Variants in HTR4 observed in about 807,000 individuals in gnomAD.
HTR4 encodes the protein 5-hydroxytryptamine (serotonin) receptor 4, G protein-coupled.
In HTR4, 16 loss-of-function variants were observed where a neutral mutation model predicts 36.8. That is an observed-to-expected ratio of 0.43 (90% CI 0.29 to 0.66). The LOEUF (loss-of-function observed/expected upper bound fraction) is 0.66. Ranked by LOEUF, HTR4 falls within the 30% of genes least tolerant of loss-of-function variation. The pLI is 0.13. For missense variants in HTR4, 438 were observed against 490.9 expected (o/e 0.89, Z 1.02); for synonymous variants, 189 against 185.1 (o/e 1.02, Z -0.17).
chr5:148,484,196 G>A (rs1051881410), intron 6 of HTR4: 105 of 1,523,476 alleles, frequency 6.9e-5, no homozygotes, highest in Admixed American at 9.6e-5. Context: ...AGTGTCATCT[G>A]CCTTTTAGTT....
intron 2 of HTR4, among the ~76,000 whole-genome samples, chr5:148,624,940 G>T (rs1046258652): frequency 1.8e-4 from 27 of 152,270 alleles, no homozygotes; most frequent in African/African-American, 6.3e-4. Flanking sequence ...GAGGAGGCAG[G>T]CATGTTAAAC....
At chr5:148,579,551 T>C (rs781589166) in intron 2 of HTR4, among the ~76,000 whole-genome samples, 25 of 152,044 alleles carry the variant, frequency 1.6e-4, no homozygotes, top group Admixed American at 1.2e-3. Flanking sequence ...CACCCATTCA[T>C]TATCTCACAG....
intron 2 of HTR4, among the ~76,000 whole-genome samples, chr5:148,622,243 A>G (rs1297081568): frequency 6.6e-6 from 1 of 152,150 alleles, no homozygotes; most frequent in East Asian, 1.9e-4. Context: ...ACTCATTGCT[A>G]TGGTCTAAAT....
intron 2 of HTR4, among the ~76,000 whole-genome samples, chr5:148,580,267 T>C (rs1761082736): frequency 6.6e-6 from 1 of 152,026 alleles, no homozygotes; most frequent in South Asian, 2.1e-4. Context: ...TTCCCCCAGT[T>C]TTACTGAGAT....
At chr5:148,554,413 C>T (rs1174072030) in intron 2 of HTR4, among the ~76,000 whole-genome samples, 1 of 151,978 alleles carries the variant, frequency 6.6e-6, no homozygotes, top group African/African-American at 2.4e-5. Flanking sequence ...CATGGATGAA[C>T]CTTAAAAATA....
chr5:148,486,956 T>C (rs573877716), intron 6 of HTR4, among the ~76,000 whole-genome samples: 1 of 152,306 alleles, frequency 6.6e-6, no homozygotes, highest in South Asian at 2.1e-4. Context: ...TCAAAAACAT[T>C]GGCAGAGCCA....
intron 2 of HTR4, among the ~76,000 whole-genome samples, chr5:148,577,993 G>A (rs923728011): frequency 2.6e-5 from 4 of 151,722 alleles, no homozygotes; most frequent in African/African-American, 7.3e-5. Context: ...AAGTAAATAC[G>A]TAAAATAAAA....
At chr5:148,484,496 G>A in intron 6 of HTR4, 1 of 964,690 alleles carries the variant, frequency 1.0e-6, no homozygotes, top group South Asian at 1.7e-5. Context: ...AAAAATTGGG[G>A]CAATATTTAC....
intron 2 of HTR4, among the ~76,000 whole-genome samples, chr5:148,627,936 C>A (rs1753178936): frequency 6.6e-6 from 1 of 152,208 alleles, no homozygotes. Flanking sequence ...GTGGAAAGCC[C>A]TCCAGGGCCA....
At chr5:148,609,927 A>T (rs1426317326) in intron 2 of HTR4, among the ~76,000 whole-genome samples, 4 of 138,638 alleles carry the variant, frequency 2.9e-5, no homozygotes, top group Non-Finnish European at 5.0e-5. Context: ...TTAAATATTA[A>T]TCTTAGAAAC....
chr5:148,622,950 G>C (rs1752967712), intron 2 of HTR4, among the ~76,000 whole-genome samples: 1 of 152,146 alleles, frequency 6.6e-6, no homozygotes, highest in Non-Finnish European at 1.5e-5. Flanking sequence ...AAGCAAAATG[G>C]AAATGTATGT....
At chr5:148,554,816 T>C (rs1179373407) in intron 2 of HTR4, among the ~76,000 whole-genome samples, 2 of 152,170 alleles carry the variant, frequency 1.3e-5, no homozygotes, top group Non-Finnish European at 2.9e-5. Flanking sequence ...CACCCTCACG[T>C]AGGTCCCAGT....
At chr5:148,575,811 T>C (rs1760874438) in intron 2 of HTR4, among the ~76,000 whole-genome samples, 2 of 151,980 alleles carry the variant, frequency 1.3e-5, no homozygotes, top group Non-Finnish European at 2.9e-5. Flanking sequence ...GCATTCTCCT[T>C]GAAAACCGGC....
chr5:148,456,869 G>C (rs1755113589), intron 5 of HTR4, among the ~76,000 whole-genome samples: 1 of 152,192 alleles, frequency 6.6e-6, no homozygotes, highest in Non-Finnish European at 1.5e-5. Flanking sequence ...AATAGTGCCA[G>C]CCAAAAAGTA....
chr5:148,614,681 G>T (rs1204270481), intron 2 of HTR4, among the ~76,000 whole-genome samples: 2 of 152,050 alleles, frequency 1.3e-5, no homozygotes, highest in Non-Finnish European at 2.9e-5. Context: ...ATTGACAAAT[G>T]GGATCTAATT....
chr5:148,522,844 C>A (rs949484066), intron 5 of HTR4, among the ~76,000 whole-genome samples: 2 of 152,134 alleles, frequency 1.3e-5, no homozygotes, highest in South Asian at 4.2e-4. Flanking sequence ...CATACATCAC[C>A]TGGGAGATGG....
intron 4 of HTR4, among the ~76,000 whole-genome samples, chr5:148,545,246 T>C (rs1232863598): frequency 6.6e-6 from 1 of 152,228 alleles, no homozygotes; most frequent in Non-Finnish European, 1.5e-5. Flanking sequence ...ATCTTACTTA[T>C]GGTATTGGAG....
chr5:148,610,958 A>G (rs1227565523), intron 2 of HTR4, among the ~76,000 whole-genome samples: 4 of 151,074 alleles, frequency 2.6e-5, no homozygotes, highest in African/African-American at 4.9e-5. Flanking sequence ...GAAATGAAGC[A>G]AGAAGGAAAG....
rs72832042 is a variant in HTR4, at chr5:148,453,170, C to T, written c.1077-1898G>A. 2.6e-3 allele frequency among the ~76,000 whole-genome samples: 400 copies of T among 152,288 alleles called. 1 individual carries two copies. The highest frequency in any genetic ancestry group is 0.014 in the Middle Eastern group (4 of 294). On this transcript the variant is annotated intron_variant, in intron 5 of 5. Transcript: ENST00000521530. The stretch of plus-strand genomic sequence containing the variant: ...GCTTTTCCGGAGCAGCAGCTGAGTC[C>T]AGGTTAGTCTTTCTAACTCTTGCAG...
Sources: gnomAD v4.1 joint callset for allele counts (sites outside exome capture counted in the v4.1 genomes callset) on GRCh38, gnomAD v4.1.1 for gene constraint, MANE v1.5 for transcripts, NCBI Gene and HGNC (gene_info 2026-07-23, HGNC 2026-07-21) for gene names.